The following ADD3 variants were observed in gnomAD, a reference collection of about 807,000 sequenced individuals.
ADD3 encodes the protein gamma-adducin.
In ADD3, 25 loss-of-function variants were observed where a neutral mutation model predicts 80.2. The ratio of observed to expected loss-of-function variants is 0.31; its 90% CI spans 0.23 to 0.44. ADD3 has a LOEUF of 0.44. ADD3 is among the 20% of genes least tolerant of loss of function. The pLI, the probability that ADD3 is intolerant of heterozygous loss-of-function variation, is 1.00. For missense variants in ADD3, 829 were observed against 847.5 expected (o/e 0.98, Z 0.27); for synonymous variants, 284 against 289.6 (o/e 0.98, Z 0.20).
intron 1 of ADD3, among the ~76,000 whole-genome samples, chr10:110,027,001 T>C (rs1186151855): frequency 6.6e-6 from 1 of 152,232 alleles, no homozygotes; most frequent in Non-Finnish European, 1.5e-5. Flanking sequence ...TCTAGTCTTC[T>C]GTACTTAGAA....
chr10:110,070,517 A>G (rs11194972), intron 1 of ADD3, among the ~76,000 whole-genome samples: 18,923 of 152,174 alleles, frequency 0.12, 3,762 homozygotes, highest in African/African-American at 0.42. Context: ...GAATAAATTG[A>G]TACTCTACAC....
At chr10:110,039,808 C>T (rs1322869671) in intron 1 of ADD3, among the ~76,000 whole-genome samples, 2 of 152,194 alleles carry the variant, frequency 1.3e-5, no homozygotes, top group African/African-American at 4.8e-5. Context: ...CTGCCTCTAA[C>T]TTCGCTCTTG....
chr10:110,093,081 A>C (rs745349870), intron 1 of ADD3, among the ~76,000 whole-genome samples: 1 of 152,008 alleles, frequency 6.6e-6, no homozygotes, highest in Non-Finnish European at 1.5e-5. Flanking sequence ...CTGGTCTCCA[A>C]CTCCTGACCT....
chr10:110,011,187 C>T (rs947986159), intron 1 of ADD3, among the ~76,000 whole-genome samples: 2 of 151,884 alleles, frequency 1.3e-5, no homozygotes, highest in African/African-American at 4.8e-5. Flanking sequence ...ATCAGTAAAC[C>T]TTATCACCTT....
At chr10:110,109,505 C>T (rs1450991338) in intron 2 of ADD3, among the ~76,000 whole-genome samples, 1 of 152,130 alleles carries the variant, frequency 6.6e-6, no homozygotes, top group Non-Finnish European at 1.5e-5. Flanking sequence ...GGGTGCAAGA[C>T]ATTTAATAAA....
chr10:110,113,008 T>C (rs1850245009), intron 3 of ADD3, 93 bp downstream of exon 3: 6 of 1,361,028 alleles, frequency 4.4e-6, no homozygotes, highest in Admixed American at 4.3e-5. Flanking sequence ...TCGGGTTCAG[T>C]CCTTAAGTTT....
intron 1 of ADD3, among the ~76,000 whole-genome samples, chr10:110,018,234 G>A (rs2043341209): frequency 6.6e-6 from 1 of 152,106 alleles, no homozygotes; most frequent in Non-Finnish European, 1.5e-5. Context: ...GTCAAGAAAA[G>A]AGATGGAGTG....
At chr10:110,078,702 C>T (rs184676869) in intron 1 of ADD3, among the ~76,000 whole-genome samples, 3 of 152,274 alleles carry the variant, frequency 2.0e-5, no homozygotes, top group Admixed American at 2.0e-4. Context: ...ATGACACACA[C>T]GAACCACTTT....
chr10:110,051,017 C>CA (rs1210782917), intron 1 of ADD3, among the ~76,000 whole-genome samples: 3 of 152,152 alleles, frequency 2.0e-5, no homozygotes, highest in African/African-American at 7.2e-5. Flanking sequence ...CATATACAGT[C>CA]AATTGATTTT....
intron 8 of ADD3, among the ~76,000 whole-genome samples, chr10:110,120,362 A>T (rs1233327886): frequency 6.6e-6 from 1 of 150,504 alleles, no homozygotes; most frequent in East Asian, 1.9e-4. Flanking sequence ...ACTGAGAATG[A>T]TGATTTCCAA....
upstream of ADD3, among the ~76,000 whole-genome samples, chr10:110,003,917 T>G (rs1851537934): frequency 3.3e-5 from 5 of 152,184 alleles, no homozygotes; most frequent in Non-Finnish European, 2.9e-5. Flanking sequence ...ACAAAAACAC[T>G]TTGTAGTCAG....
chr10:110,114,629 T>A (rs1039423111), intron 3 of ADD3, among the ~76,000 whole-genome samples: 2 of 152,158 alleles, frequency 1.3e-5, no homozygotes, highest in African/African-American at 4.8e-5. Context: ...AGGTAGAGGT[T>A]ACTGAAACCC....
At chr10:110,014,180 A>G (rs1396585068) in intron 1 of ADD3, among the ~76,000 whole-genome samples, 3 of 152,118 alleles carry the variant, frequency 2.0e-5, no homozygotes, top group Non-Finnish European at 4.4e-5. Flanking sequence ...TTCTAAGAAC[A>G]CTCCACTTTT....
At chr10:110,004,305 C>A (rs1464069324), upstream of ADD3, among the ~76,000 whole-genome samples, 5 of 151,316 alleles carry the variant, frequency 3.3e-5, no homozygotes, top group Non-Finnish European at 7.4e-5. Flanking sequence ...GAGGCCGAGA[C>A]AGGCGGATCA....
At chr10:110,119,699 G>T in intron 8 of ADD3, 135 bp downstream of exon 8, 1 of 696,016 alleles carries the variant, frequency 1.4e-6, no homozygotes, top group East Asian at 2.7e-5. Context: ...ACTTATGTAG[G>T]CAGGGTTTTC....
chr10:110,060,923 G>A (rs528258856), intron 1 of ADD3, among the ~76,000 whole-genome samples: 2 of 152,282 alleles, frequency 1.3e-5, no homozygotes, highest in Admixed American at 6.5e-5. Context: ...GTTAGGTTAC[G>A]CACATTCTGT....
intron 2 of ADD3, among the ~76,000 whole-genome samples, chr10:110,102,902 T>C (rs1390146677): frequency 6.6e-6 from 1 of 152,220 alleles, no homozygotes. Context: ...TAAATTGGCT[T>C]AAAAGTAAAA....
At chr10:110,076,973 C>A (rs1253807811) in intron 1 of ADD3, 2 of 152,166 alleles carry the variant, frequency 1.3e-5, no homozygotes, top group Non-Finnish European at 2.9e-5. Flanking sequence ...TGTGTTGTTT[C>A]CCCCAGAGTG....
chr10:110,056,300 C>G (rs1223769551), intron 1 of ADD3, among the ~76,000 whole-genome samples: 1 of 152,162 alleles, frequency 6.6e-6, no homozygotes, highest in African/African-American at 2.4e-5. Flanking sequence ...CATTTGCAGA[C>G]TTTGTGTTCT....
Sources: gnomAD v4.1 joint callset for allele counts (sites outside exome capture counted in the v4.1 genomes callset) on GRCh38, gnomAD v4.1.1 for gene constraint, MANE v1.5 for transcripts, NCBI Gene and HGNC (gene_info 2026-07-23, HGNC 2026-07-21) for gene names.